Variants in DPCD observed in about 807,000 individuals in gnomAD.
DPCD encodes deleted in primary ciliary dyskinesia homolog (mouse), also known as protein DPCD.
A neutral mutation model predicts 26.4 loss-of-function variants in DPCD; 20 were observed. The observed-to-expected ratio is 0.76, with a 90% CI of 0.53 to 1.10. The LOEUF (loss-of-function observed/expected upper bound fraction) is 1.10. Among genes scored for constraint, DPCD ranks in the 50% least tolerant of loss-of-function variants. The pLI, the probability that DPCD is intolerant of heterozygous loss-of-function variation, is 0.00. For synonymous variants in DPCD, 97 were observed against 94.2 expected (o/e 1.03, Z -0.17); for missense variants, 202 against 253.9 (o/e 0.80, Z 1.39).
intron 1 of DPCD, among the ~76,000 whole-genome samples, chr10:101,593,269 A>G (rs930170819): frequency 2.0e-5 from 3 of 152,078 alleles, no homozygotes; most frequent in Admixed American, 6.5e-5. Flanking sequence ...CCAAATGATT[A>G]AGGGTGGTAT....
Position 101,609,012 on chromosome 10 carries a change from T to C in DPCD, c.507+75T>C, listed in dbSNP as rs12263354. The C allele has an allele frequency of 1.5e-3, 1,905 of 1,246,104 alleles. 23 individuals carry two copies. In the African/African-American group the frequency reaches 0.025, roughly 17 times the overall value. The allele number at this position is 1,246,104 out of a possible 1,614,324, so 77.2% of individuals were successfully genotyped here. A position where few individuals can be genotyped will look rare whatever the true frequency, so the allele number is the denominator to read the frequency against. ...CTTTCCCTGCCCACTTCCCATCCCA[T>C]AAGAGTCCTCAGTTCTAGCCCCAAG... On this transcript the variant is annotated intron_variant, in intron 5 of 5. Transcript: ENST00000370151.
chr10:101,601,259 C>G lies in DPCD; in HGVS notation c.327C>G (p.Leu109=). Residue 109 remains leucine, a synonymous_variant, in exon 4 of 6, where the codon CTC becomes CTG. Coordinates refer to ENST00000370151, the MANE Select transcript of DPCD (RefSeq NM_015448.3). ...GTTTCCAGTGGCGGATTCGAAACCT[C>G]CCCTATCCTAAGGATGTCTATAGTG... ...KMSFQWRIRN[L]PYPKDVYSVS... is the part of the protein sequence containing the mutation. 6.2e-7 allele frequency: 1 copy of G among 1,613,798 alleles called. No individual in the cohort carries two copies. Among genetic ancestry groups the G allele is most frequent in the Non-Finnish European group, 8.5e-7 (1 of 1,179,910 alleles).
chr10:101,601,076 T>C (rs1236104457), intron 3 of DPCD, 127 bp from the exon 4 acceptor site: 6 of 1,489,112 alleles, frequency 4.0e-6, no homozygotes, highest in East Asian at 4.6e-5. Flanking sequence ...GCTGTAGCAA[T>C]AGCAGCGTCA....
At chr10:101,601,397 G>T in intron 4 of DPCD, 61 bp downstream of exon 4, 1 of 1,567,416 alleles carries the variant, frequency 6.4e-7, no homozygotes, top group East Asian at 2.4e-5. Context: ...GGTGGGGTTT[G>T]ATCTGGCGTT....
At chr10:101,597,830 G>A (rs2063665142) in intron 2 of DPCD, among the ~76,000 whole-genome samples, 1 of 152,210 alleles carries the variant, frequency 6.6e-6, no homozygotes, top group African/African-American at 2.4e-5. Context: ...AAGACAAAGT[G>A]TGCATTTGTA....
At chr10:101,593,839 G>A (rs1046030374) in intron 1 of DPCD, among the ~76,000 whole-genome samples, 1 of 152,092 alleles carries the variant, frequency 6.6e-6, no homozygotes, top group East Asian at 1.9e-4. Context: ...AGTTTCTTCT[G>A]TTCTTTCAAC....
chr10:101,590,300 G>T (rs528157841), intron 1 of DPCD, among the ~76,000 whole-genome samples: 2 of 152,190 alleles, frequency 1.3e-5, no homozygotes, highest in Middle Eastern at 3.4e-3. Flanking sequence ...GAATAAAAAG[G>T]TCCCTTTTCT....
chr10:101,588,362 G>A lies in DPCD; in HGVS notation c.26G>A (p.Ser9Asn). 1 of 1,599,822 alleles carries A rather than the reference G, an allele frequency of 6.3e-7. No individual in the cohort carries two copies. The highest frequency in any genetic ancestry group is 1.1e-5 in the South Asian group (1 of 89,276). The change falls in exon 1 of 6, where the codon AGT (serine) becomes AAT (asparagine). Residue 9 changes from serine (S) to asparagine (N), a missense_variant. Physicochemically the swap from Ser to Asn is conservative, Grantham distance 46. Coordinates refer to ENST00000370151, the MANE Select transcript of DPCD (RefSeq NM_015448.3). ...ATGGCGGTGACGGGCTGGTTGGAGA[G>A]TCTGCGGACAGCCCAGAAGACTGCG... MAVTGWLE[S>N]LRTAQKTALL...
chr10:101,609,597 G>A lies in DPCD; in HGVS notation c.*126G>A. The A allele has an allele frequency of 1.4e-6, 1 of 736,068 alleles. No homozygotes were observed. Among genetic ancestry groups the A allele is most frequent in the Non-Finnish European group, 2.3e-6 (1 of 442,156 alleles). The allele number at this position is 736,068 out of a possible 1,614,324, so 45.6% of individuals were successfully genotyped here. On this transcript the variant is annotated 3_prime_UTR_variant, in exon 6 of 6. Transcript: ENST00000370151. ...AAGGGTCTCTAAGAACTGGGCATGG[G>A]GCACTCCTAGCCAGTGAGTCATGGT...
At chr10:101,593,529 G>A (rs751179790) in intron 1 of DPCD, among the ~76,000 whole-genome samples, 13 of 152,140 alleles carry the variant, frequency 8.5e-5, no homozygotes, top group Non-Finnish European at 1.6e-4. Context: ...AAATTACATA[G>A]CCACTCTTAA....
Position 101,605,250 on chromosome 10 carries a change from C to T in DPCD, c.405-3585C>T, listed in dbSNP as rs926077993. 5 of 1,547,180 alleles carry T rather than the reference C, an allele frequency of 3.2e-6. No individual in the cohort carries two copies. In the African/African-American group the frequency reaches 6.9e-5, roughly 21 times the overall value. On this transcript the variant is annotated intron_variant, in intron 4 of 5. Transcript: ENST00000370151. The stretch of plus-strand genomic sequence containing the variant: ...TGACCCAAGTGATTGTCCACAGCAG[C>T]CCTGCTCCTGCCTTCAGCCTCCAGA...
chr10:101,595,420 A>G (rs1180663023), intron 2 of DPCD, among the ~76,000 whole-genome samples: 1 of 152,216 alleles, frequency 6.6e-6, no homozygotes, highest in Non-Finnish European at 1.5e-5. Flanking sequence ...TCTTTGACCC[A>G]GGGCCCAAGG....
intron 3 of DPCD, 71 bp from the exon 4 acceptor site, chr10:101,601,132 G>T (rs2063694676): frequency 3.1e-6 from 5 of 1,598,482 alleles, no homozygotes; most frequent in Middle Eastern, 4.3e-4. Context: ...GTGCCCCGGG[G>T]TAGCGCTCTG....
intron 5 of DPCD, 174 bp from the exon 6 acceptor site, chr10:101,609,193 T>C: frequency 1.5e-6 from 1 of 678,714 alleles, no homozygotes; most frequent in South Asian, 1.9e-5. Context: ...TGGGTTCTTC[T>C]GGTCCAAGGT....
chr10:101,588,393 G>A lies in DPCD; in HGVS notation c.57G>A (p.Leu19=). Residue 19 remains leucine (L), a synonymous_variant, in exon 1 of 6, where the codon CTG becomes CTA. Coordinates refer to ENST00000370151, the MANE Select transcript of DPCD (RefSeq NM_015448.3). The part of the protein sequence containing the change: ...SLRTAQKTAL[L]QDGRRKVHYL... ...GGACAGCCCAGAAGACTGCGCTGCT[G>A]CAGGACGGTAACTCGAGGGTCCCCA... 1 of 1,594,668 alleles carries A rather than the reference G, an allele frequency of 6.3e-7. No homozygotes were observed. Among genetic ancestry groups the A allele is most frequent in the Non-Finnish European group, 8.6e-7 (1 of 1,169,130 alleles).
chr10:101,600,806 G>A lies in DPCD; in HGVS notation c.214G>A (p.Ala72Thr), dbSNP rs1477659109. Reference sequence around the variant, plus strand: ...GTGGCAGCTTGAAGTAGGAGACCCAGCGCCCCTAGGAGCAGGGAACCTGGG... The same window carrying A: ...GTGGCAGCTTGAAGTAGGAGACCCAACGCCCCTAGGAGCAGGGAACCTGGG... ...GQWQLEVGDP[A>T]PLGAGNLGPE... Residue 72 changes from alanine (A) to threonine (T), a missense_variant, in exon 3 of 6, where the codon GCG (alanine) becomes ACG (threonine). By Grantham distance (58) the Ala-to-Thr change is moderately conservative (BLOSUM62 0). This residue lies in a region of DPCD where 37 missense variants were observed against 76.0 expected (regional missense o/e 0.49). Coordinates refer to ENST00000370151, the MANE Select transcript of DPCD (RefSeq NM_015448.3). This position sits in a 1 kb window ranked among gnomAD's most constrained non-coding sequence, Gnocchi z 4.7. 7 of 1,613,972 alleles carry A rather than the reference G, an allele frequency of 4.3e-6. No individual in the cohort carries two copies. The highest frequency in any genetic ancestry group is 5.9e-6 in the Non-Finnish European group (7 of 1,179,986).
chr10:101,595,162 G>T (rs908386852), intron 2 of DPCD, among the ~76,000 whole-genome samples: 1 of 152,166 alleles, frequency 6.6e-6, no homozygotes, highest in Non-Finnish European at 1.5e-5. Flanking sequence ...CAGAGGCAGA[G>T]CTTCTGAGCT....
At position 101,609,348 on chromosome 10, in the gene DPCD, T is replaced by A. The variant is rs752400696; in HGVS notation, c.508-19T>A. The A allele has an allele frequency of 6.2e-7, 1 of 1,612,770 alleles. No homozygotes were observed. The highest frequency in any genetic ancestry group is 8.5e-7 in the Non-Finnish European group (1 of 1,178,958). ...GGACAGTGACTGAATTATTTTCTTA[T>A]TCCTGGCTGCATCCACAGTACCAGA... On this transcript the variant is annotated intron_variant, in intron 5 of 5. Coordinates refer to ENST00000370151, the MANE Select transcript of DPCD (RefSeq NM_015448.3).
At chr10:101,591,204 G>A (rs2063604580) in intron 1 of DPCD, among the ~76,000 whole-genome samples, 1 of 152,166 alleles carries the variant, frequency 6.6e-6, no homozygotes. Flanking sequence ...ACTGCATTCT[G>A]TTTATTTATT....
Sources: allele counts gnomAD v4.1 joint callset (sites outside exome capture counted in the v4.1 genomes callset), GRCh38; gene constraint gnomAD v4.1.1; regional missense constraint gnomAD v4.1.1; non-coding constraint Gnocchi (gnomAD v3.1); transcripts MANE v1.5; gene names NCBI Gene and HGNC (gene_info 2026-07-23, HGNC 2026-07-21).